The following PRRX1 variants were observed in gnomAD, a reference collection of about 807,000 sequenced individuals.
PRRX1 encodes the protein paired related homeobox 1, also known as paired mesoderm homeobox protein 1.
PRRX1 carries 8 observed loss-of-function variants against 24.0 expected under a neutral mutation model. That is an observed-to-expected ratio of 0.33 (90% CI 0.20 to 0.60). The LOEUF is 0.60. Among genes scored for constraint, PRRX1 ranks in the 20% least tolerant of loss-of-function variants. PRRX1 has a pLI of 0.82. For synonymous variants in PRRX1, 160 were observed against 131.7 expected (o/e 1.22, Z -1.47); for missense variants, 281 against 322.4 (o/e 0.87, Z 0.98).
intron 2 of PRRX1, among the ~76,000 whole-genome samples, chr1:170,722,084 T>G (rs1571345316): frequency 6.6e-6 from 1 of 152,202 alleles, no homozygotes; most frequent in Non-Finnish European, 1.5e-5. Context: ...TATTTCTCTT[T>G]TCCCACCTTG....
chr1:170,730,061 T>C (rs1253413435), intron 3 of PRRX1: 4 of 617,468 alleles, frequency 6.5e-6, no homozygotes, highest in Non-Finnish European at 1.2e-5. Flanking sequence ...GGATAGTGAA[T>C]GGCCTGGTTT....
At chr1:170,695,617 AG>A (rs1023184470) in intron 1 of PRRX1, among the ~76,000 whole-genome samples, 1 of 152,146 alleles carries the variant, frequency 6.6e-6, no homozygotes, top group African/African-American at 2.4e-5. Context: ...GCCAGGCTTG[AG>A]TTTTTGCAAC....
At chr1:170,701,225 T>A (rs1394039530) in intron 1 of PRRX1, among the ~76,000 whole-genome samples, 1 of 152,316 alleles carries the variant, frequency 6.6e-6, no homozygotes, top group South Asian at 2.1e-4. Flanking sequence ...ACAATATATA[T>A]CCTCCATTAT....
chr1:170,712,439 G>A (rs900187321), intron 1 of PRRX1, among the ~76,000 whole-genome samples: 4 of 152,078 alleles, frequency 2.6e-5, no homozygotes, highest in Non-Finnish European at 5.9e-5. Context: ...CCATATAAAC[G>A]TATTTGAATG....
chr1:170,690,852 T>C (rs1049986314), intron 1 of PRRX1, among the ~76,000 whole-genome samples: 76 of 152,114 alleles, frequency 5.0e-4, no homozygotes, highest in African/African-American at 1.8e-3. Flanking sequence ...TGTAAGAGAC[T>C]ACAGAGAGAA....
intron 3 of PRRX1, chr1:170,730,478 T>G: frequency 4.1e-6 from 3 of 739,980 alleles, no homozygotes; most frequent in Non-Finnish European, 7.0e-6. Flanking sequence ...AGGAATATTA[T>G]TGGTAACCAG....
intron 1 of PRRX1, among the ~76,000 whole-genome samples, chr1:170,707,710 T>C (rs1372941242): frequency 2.0e-5 from 3 of 152,194 alleles, no homozygotes; most frequent in Admixed American, 2.0e-4. Context: ...AGAAAAGAAA[T>C]AAGAAGGCTT....
chr1:170,679,264 T>C (rs896327990), intron 1 of PRRX1, among the ~76,000 whole-genome samples: 10 of 152,266 alleles, frequency 6.6e-5, no homozygotes, highest in African/African-American at 2.4e-4. Context: ...AACAAACAAG[T>C]GAGAAAGAGC....
At chr1:170,701,172 A>G (rs1272868820) in intron 1 of PRRX1, among the ~76,000 whole-genome samples, 2 of 152,242 alleles carry the variant, frequency 1.3e-5, no homozygotes, top group South Asian at 2.1e-4. Context: ...CTATTATCTC[A>G]TCTATTAAGT....
intron 2 of PRRX1, among the ~76,000 whole-genome samples, chr1:170,724,467 G>A (rs1334450054): frequency 1.3e-5 from 2 of 152,166 alleles, no homozygotes; most frequent in Non-Finnish European, 2.9e-5. Context: ...TGTATATGGT[G>A]TAACAAAGAG....
chr1:170,714,278 A>G (rs1248626762), intron 1 of PRRX1, among the ~76,000 whole-genome samples: 1 of 152,190 alleles, frequency 6.6e-6, no homozygotes. Flanking sequence ...TCCAAAGGTT[A>G]CGGGGCCTGA....
At chr1:170,734,467 T>G (rs1655542528) in intron 3 of PRRX1, among the ~76,000 whole-genome samples, 1 of 152,148 alleles carries the variant, frequency 6.6e-6, no homozygotes, top group Non-Finnish European at 1.5e-5. Context: ...AAACAAATTA[T>G]TAACTAAACT....
chr1:170,727,286 G>C (rs1655286729), intron 3 of PRRX1: 1 of 152,276 alleles, frequency 6.6e-6, no homozygotes, highest in Admixed American at 6.5e-5. Flanking sequence ...GCTGCCAGAA[G>C]GGAAGCTGAG....
intron 1 of PRRX1, among the ~76,000 whole-genome samples, chr1:170,685,180 T>C (rs1213508221): frequency 1.3e-5 from 2 of 152,230 alleles, no homozygotes; most frequent in Admixed American, 6.5e-5. Context: ...CTTTCACTAA[T>C]GTCTTTATTA....
upstream of PRRX1, chr1:170,664,044 A>AT (rs1652817733): frequency 9.4e-6 from 5 of 533,946 alleles, no homozygotes; most frequent in South Asian, 4.9e-5. Flanking sequence ...CCTCTTTTCC[A>AT]ATTTTTTTTT....
At chr1:170,708,077 C>T (rs556214251) in intron 1 of PRRX1, among the ~76,000 whole-genome samples, 10 of 152,160 alleles carry the variant, frequency 6.6e-5, no homozygotes, top group African/African-American at 2.4e-4. Flanking sequence ...TTCCTTCATC[C>T]TACTTTCTTC....
chr1:170,669,275 T>C (rs1653056998), intron 1 of PRRX1: 1 of 151,440 alleles, frequency 6.6e-6, no homozygotes, highest in Admixed American at 6.6e-5. Context: ...TGCACTCAGG[T>C]CAGAGCGCCA....
intron 1 of PRRX1, among the ~76,000 whole-genome samples, chr1:170,686,686 T>A (rs1653754259): frequency 6.6e-6 from 1 of 152,196 alleles, no homozygotes; most frequent in South Asian, 2.1e-4. Context: ...AGAGTCACCT[T>A]TTAATTGCCT....
At chr1:170,677,393 G>A (rs750839746) in intron 1 of PRRX1, among the ~76,000 whole-genome samples, 51 of 152,178 alleles carry the variant, frequency 3.4e-4, no homozygotes, top group Non-Finnish European at 6.9e-4. Context: ...ATGCCCTTTA[G>A]GGCAAGCATT....
Sources: gnomAD v4.1 joint callset for allele counts (sites outside exome capture counted in the v4.1 genomes callset) on GRCh38, gnomAD v4.1.1 for gene constraint, MANE v1.5 for transcripts, NCBI Gene and HGNC (gene_info 2026-07-23, HGNC 2026-07-21) for gene names.